Variants in MITF observed in about 807,000 individuals in gnomAD.
The protein encoded by MITF is microphthalmia-associated transcription factor.
Under a neutral mutation model 60.5 loss-of-function variants are expected in MITF, and 17 were observed. That is an observed-to-expected ratio of 0.28 (90% CI 0.19 to 0.42). The LOEUF (loss-of-function observed/expected upper bound fraction) is 0.42, where lower values mean the gene tolerates loss of function less well. Among genes scored for constraint, MITF ranks in the 10% least tolerant of loss-of-function variants. MITF has a pLI of 1.00. For missense variants in MITF, 622 were observed against 683.5 expected (o/e 0.91, Z 1.00); for synonymous variants, 260 against 248.5 (o/e 1.05, Z -0.43).
At chr3:69,883,712 T>C (rs1306997472) in intron 2 of MITF, among the ~76,000 whole-genome samples, 1 of 152,130 alleles carries the variant, frequency 6.6e-6, no homozygotes, top group Non-Finnish European at 1.5e-5. Context: ...ACAGATGTAG[T>C]GTGTCTCAGA....
At chr3:69,798,210 G>A (rs2062861313) in intron 1 of MITF, among the ~76,000 whole-genome samples, 1 of 152,206 alleles carries the variant, frequency 6.6e-6, no homozygotes, top group African/African-American at 2.4e-5. Context: ...GCCTAGCACA[G>A]TTCCTGGCTC....
At chr3:69,765,253 G>A (rs1487321563) in intron 1 of MITF, among the ~76,000 whole-genome samples, 2 of 152,156 alleles carry the variant, frequency 1.3e-5, no homozygotes, top group East Asian at 1.9e-4. Context: ...GAGTTTTAGC[G>A]AAGATTTGTT....
chr3:69,817,082 A>C (rs1041641199), intron 1 of MITF, among the ~76,000 whole-genome samples: 1 of 152,088 alleles, frequency 6.6e-6, no homozygotes, highest in Non-Finnish European at 1.5e-5. Flanking sequence ...TTCTGAAAAT[A>C]CTCATATAAG....
intron 1 of MITF, among the ~76,000 whole-genome samples, chr3:69,779,602 G>A (rs978850417): frequency 6.6e-6 from 1 of 152,120 alleles, no homozygotes; most frequent in African/African-American, 2.4e-5. Context: ...GAGCGAGCTT[G>A]AACTTTGTTC....
At chr3:69,907,526 G>A (rs1182350014) in intron 2 of MITF, among the ~76,000 whole-genome samples, 10 of 152,154 alleles carry the variant, frequency 6.6e-5, no homozygotes. Context: ...AGATCATGTA[G>A]ATGAAATCAC....
chr3:69,962,393 A>G (rs2066572735), intron 9 of MITF, among the ~76,000 whole-genome samples: 1 of 152,232 alleles, frequency 6.6e-6, no homozygotes, highest in Non-Finnish European at 1.5e-5. Flanking sequence ...GATTATGTAA[A>G]GGAACTTGAA....
At chr3:69,940,986 A>G (rs558410154) in intron 4 of MITF, among the ~76,000 whole-genome samples, 3 of 152,142 alleles carry the variant, frequency 2.0e-5, no homozygotes, top group African/African-American at 2.4e-5. Context: ...CTCGAACCCA[A>G]TGCTTGGCAA....
chr3:69,956,598 A>G (rs1284446082), intron 8 of MITF, 68 bp downstream of exon 8: 1 of 1,341,696 alleles, frequency 7.5e-7, no homozygotes, highest in African/African-American at 1.4e-5. Context: ...CATACGTTGT[A>G]AAAAATGCAG....
At chr3:69,873,477 G>C (rs969241039) in intron 1 of MITF, among the ~76,000 whole-genome samples, 1 of 152,184 alleles carries the variant, frequency 6.6e-6, no homozygotes, top group African/African-American at 2.4e-5. Context: ...AGTTCTTGTA[G>C]ATTCAACCTA....
At chr3:69,896,692 A>G (rs1217046616) in intron 2 of MITF, among the ~76,000 whole-genome samples, 1 of 152,144 alleles carries the variant, frequency 6.6e-6, no homozygotes. Context: ...GTTTTCCAGG[A>G]CTGTAGAAAT....
intron 1 of MITF, among the ~76,000 whole-genome samples, chr3:69,843,826 G>A (rs2063682291): frequency 1.3e-5 from 2 of 152,068 alleles, no homozygotes; most frequent in African/African-American, 4.8e-5. Context: ...CACATGCCAT[G>A]GTGGTTTGCT....
chr3:69,872,723 A>T (rs1423930013), intron 1 of MITF, among the ~76,000 whole-genome samples: 1 of 152,196 alleles, frequency 6.6e-6, no homozygotes, highest in Non-Finnish European at 1.5e-5. Flanking sequence ...AGCTTAAAAA[A>T]AATGTGGAGA....
intron 1 of MITF, among the ~76,000 whole-genome samples, chr3:69,843,141 A>G (rs538551787): frequency 6.6e-6 from 1 of 152,306 alleles, no homozygotes; most frequent in African/African-American, 2.4e-5. Flanking sequence ...TAAGTACTCA[A>G]TACTTATGAA....
At chr3:69,905,855 GT>G (rs1464508582) in intron 2 of MITF, among the ~76,000 whole-genome samples, 1 of 151,954 alleles carries the variant, frequency 6.6e-6, no homozygotes, top group East Asian at 1.9e-4. Flanking sequence ...GTTTGTCTGT[GT>G]TTTGAGAGTT....
At chr3:69,915,299 CATTT>C (rs1236853925) in intron 2 of MITF, among the ~76,000 whole-genome samples, 1 of 152,082 alleles carries the variant, frequency 6.6e-6, no homozygotes, top group Middle Eastern at 3.2e-3. Context: ...AGAATCCATT[CATTT>C]GAGATTTTCT....
chr3:69,938,248 C>T (rs1324228506), intron 3 of MITF, 199 bp downstream of exon 3: 17 of 1,167,028 alleles, frequency 1.5e-5, no homozygotes, highest in East Asian at 1.3e-4. Flanking sequence ...GAGCACATGA[C>T]GGGAGACCTG....
intron 2 of MITF, among the ~76,000 whole-genome samples, chr3:69,917,884 T>C (rs576853086): frequency 1.4e-4 from 21 of 152,222 alleles, no homozygotes; most frequent in African/African-American, 5.1e-4. Flanking sequence ...CAACTTTTGC[T>C]CCAGTTCTGC....
chr3:69,757,309 A>G (rs1052106320), intron 1 of MITF, among the ~76,000 whole-genome samples: 1 of 152,198 alleles, frequency 6.6e-6, no homozygotes, highest in African/African-American at 2.4e-5. Flanking sequence ...TTTCTCCAGT[A>G]TTCTTACTAA....
chr3:69,930,377 A>G (rs1440676263), intron 2 of MITF, among the ~76,000 whole-genome samples: 1 of 152,180 alleles, frequency 6.6e-6, no homozygotes, highest in Non-Finnish European at 1.5e-5. Context: ...CAAGTGTGGT[A>G]AATCGAAAGC....
Sources: allele counts gnomAD v4.1 joint callset (sites outside exome capture counted in the v4.1 genomes callset), GRCh38; gene constraint gnomAD v4.1.1; transcripts MANE v1.5; gene names NCBI Gene and HGNC (gene_info 2026-07-23, HGNC 2026-07-21).